FCHO2: variants seen among roughly 807,000 people sequenced by gnomAD.
The protein encoded by FCHO2 is FCH and mu domain containing endocytic adaptor 2, also known as F-BAR domain only protein 2.
In FCHO2, 43 loss-of-function variants were observed where a neutral mutation model predicts 114.1. The ratio of observed to expected loss-of-function variants is 0.38; its 90% CI spans 0.30 to 0.49. FCHO2 has a LOEUF of 0.49. FCHO2 is among the 20% of genes least tolerant of loss of function. The pLI is 0.97. For synonymous variants in FCHO2, 293 were observed against 315.2 expected, an observed-to-expected ratio of 0.93 and a Z score of 0.75; for missense variants, 807 against 950.4, an observed-to-expected ratio of 0.85 and a Z score of 1.98.
intron 8 of FCHO2, among the ~76,000 whole-genome samples, chr5:73,031,834 AT>A (rs1756254323): frequency 6.6e-6 from 1 of 152,226 alleles, no homozygotes; most frequent in Non-Finnish European, 1.5e-5. Context: ...TACAAACTAA[AT>A]TGCCCTTGTG....
chr5:73,035,992 G>A (rs1195424964), intron 9 of FCHO2, among the ~76,000 whole-genome samples: 8 of 151,656 alleles, frequency 5.3e-5, no homozygotes, highest in African/African-American at 1.5e-4. Flanking sequence ...ACAGGTGTGC[G>A]CCACTACGCC....
intron 13 of FCHO2, among the ~76,000 whole-genome samples, chr5:73,053,152 CAT>C (rs1476958920): frequency 6.6e-6 from 1 of 152,122 alleles, no homozygotes; most frequent in African/African-American, 2.4e-5. Context: ...TCATGATTGA[CAT>C]TAAGTCTGTT....
At chr5:73,034,799 A>T in intron 9 of FCHO2, 98 bp downstream of exon 9, 1 of 925,984 alleles carries the variant, frequency 1.1e-6, no homozygotes, top group Admixed American at 2.9e-5. Flanking sequence ...CCTAGGTGTC[A>T]GCATACCTAT....
At chr5:73,054,218 T>C (rs1353482344) in intron 14 of FCHO2, 47 bp downstream of exon 14, 2 of 1,439,884 alleles carry the variant, frequency 1.4e-6, no homozygotes, top group East Asian at 5.0e-5. Context: ...TTAAAATCAT[T>C]GTAATTTTGG....
chr5:73,009,616 A>G (rs942611440), intron 6 of FCHO2, among the ~76,000 whole-genome samples: 1 of 152,158 alleles, frequency 6.6e-6, no homozygotes, highest in Admixed American at 6.5e-5. Flanking sequence ...GGCTTACTGC[A>G]GCCTTTTTGC....
intron 8 of FCHO2, chr5:73,020,801 C>G: frequency 1.1e-6 from 1 of 937,926 alleles, no homozygotes. Flanking sequence ...TGATCAGCCT[C>G]TTGAATGGTC....
In FCHO2 at chr5:73,051,275, A is replaced by G. The variant is rs1274678752; in HGVS notation, c.940-74A>G. 6 of 1,015,312 alleles carry G rather than the reference A, an allele frequency of 5.9e-6. No homozygotes were observed. The African/African-American group carries it at 9.9e-5, about 17-fold the overall frequency. 62.9% of individuals were successfully genotyped at this position (1,015,312 alleles called of 1,614,324 possible). The stretch of plus-strand genomic sequence containing the variant: ...CGGTTTGGTTCCTAAGTAATACCTG[A>G]GGCTACTTTGATAATCTCTAATAAT... On this transcript the variant is annotated intron_variant, in intron 11 of 25. Transcript: ENST00000430046.
intron 2 of FCHO2, among the ~76,000 whole-genome samples, chr5:72,971,153 A>G (rs1752528746): frequency 6.6e-6 from 1 of 152,126 alleles, no homozygotes; most frequent in South Asian, 2.1e-4. Context: ...TAATGCCGCA[A>G]TAAACATACA....
chr5:73,020,828 C>T (rs993478525), intron 8 of FCHO2: 8 of 915,132 alleles, frequency 8.7e-6, no homozygotes, highest in East Asian at 2.4e-5. Context: ...GCGATGCTGC[C>T]GAGCTGCTCA....
intron 8 of FCHO2, among the ~76,000 whole-genome samples, chr5:73,019,710 TG>T (rs1344957738): frequency 1.3e-5 from 2 of 152,158 alleles, no homozygotes; most frequent in Non-Finnish European, 2.9e-5. Flanking sequence ...AAGGTGTGAA[TG>T]CGTGAGGCTT....
At chr5:73,030,560 G>T (rs1217577175) in intron 8 of FCHO2, among the ~76,000 whole-genome samples, 1 of 152,176 alleles carries the variant, frequency 6.6e-6, no homozygotes, top group African/African-American at 2.4e-5. Context: ...CAGTATAATT[G>T]GAGAAGCACT....
At chr5:73,035,031 A>G (rs1756428527) in intron 9 of FCHO2, among the ~76,000 whole-genome samples, 1 of 152,196 alleles carries the variant, frequency 6.6e-6, no homozygotes, top group African/African-American at 2.4e-5. Context: ...TTGTTAATCC[A>G]TGTTTAAGCC....
chr5:72,961,044 C>T (rs1253062053), intron 1 of FCHO2, among the ~76,000 whole-genome samples: 1 of 152,050 alleles, frequency 6.6e-6, no homozygotes, highest in Non-Finnish European at 1.5e-5. Flanking sequence ...ACAGAAGTCT[C>T]ATTTCACTTG....
At chr5:73,001,070 T>A (rs1561437188) in intron 5 of FCHO2, among the ~76,000 whole-genome samples, 1 of 152,182 alleles carries the variant, frequency 6.6e-6, no homozygotes, top group Non-Finnish European at 1.5e-5. Context: ...TGTAGCTGTT[T>A]CTTATGAAAG....
chr5:73,000,958 G>C (rs915709224), intron 5 of FCHO2, among the ~76,000 whole-genome samples: 45 of 151,328 alleles, frequency 3.0e-4, no homozygotes, highest in African/African-American at 9.4e-4. Context: ...TTTATGATGA[G>C]GCCATTCAGT....
chr5:73,020,612 G>C (rs1278351638), intron 8 of FCHO2: 2 of 731,776 alleles, frequency 2.7e-6, no homozygotes, highest in Admixed American at 2.0e-5. Flanking sequence ...GGAATGATGG[G>C]TTGGAGGTGG....
At chr5:73,052,229 C>T in intron 12 of FCHO2, 103 bp from the exon 13 acceptor site, 1 of 1,203,090 alleles carries the variant, frequency 8.3e-7, no homozygotes, top group Admixed American at 2.7e-5. Context: ...GGCCCAAAGT[C>T]TGTGTAACTC....
At chr5:73,046,159 G>T in intron 11 of FCHO2, among the ~76,000 whole-genome samples, 1 of 152,154 alleles carries the variant, frequency 6.6e-6, no homozygotes, top group Non-Finnish European at 1.5e-5. Flanking sequence ...TGAACTCCTT[G>T]GCTCAAGTGA....
rs553152041 is a variant in FCHO2, at chr5:73,004,802, A to G, written c.496-1643A>G. Among the ~76,000 whole-genome samples, 32 of 152,288 alleles carry G rather than the reference A, an allele frequency of 2.1e-4. No individual in the cohort carries two copies. The East Asian group carries it at 5.0e-3, about 24-fold the overall frequency. On this transcript the variant is annotated intron_variant, in intron 5 of 25. Transcript: ENST00000430046. ...AGAGAGAGAGAGACCGTATTCACAT[A>G]TGATGTTATTACAGTATGTTGTTAT...
Sources: allele counts gnomAD v4.1 joint callset (sites outside exome capture counted in the v4.1 genomes callset), GRCh38; gene constraint gnomAD v4.1.1; transcripts MANE v1.5; gene names NCBI Gene and HGNC (gene_info 2026-07-23, HGNC 2026-07-21).